The following DLG2 variants were observed in gnomAD, a reference collection of about 807,000 sequenced individuals.
DLG2 encodes disks large homolog 2.
DLG2 carries 45 observed loss-of-function variants against 132.5 expected under a neutral mutation model. The ratio of observed to expected loss-of-function variants is 0.34; its 90% CI spans 0.27 to 0.44. The LOEUF (loss-of-function observed/expected upper bound fraction) is 0.44. Among genes scored for constraint, DLG2 ranks in the 20% least tolerant of loss-of-function variants. The pLI, the probability that DLG2 is intolerant of heterozygous loss-of-function variation, is 1.00. For missense variants in DLG2, 1,045 were observed against 1,196.9 expected, an observed-to-expected ratio of 0.87 and a Z score of 1.87; for synonymous variants, 424 against 419.6, an observed-to-expected ratio of 1.01 and a Z score of -0.13.
chr11:85,578,678 G>A (rs1001417874), intron 3 of DLG2, among the ~76,000 whole-genome samples: 9 of 152,122 alleles, frequency 5.9e-5, no homozygotes, highest in African/African-American at 4.8e-5. Flanking sequence ...AAACTACAAT[G>A]AGATACCACC....
chr11:84,285,414 C>A (rs1240155347), intron 7 of DLG2, among the ~76,000 whole-genome samples: 1 of 152,120 alleles, frequency 6.6e-6, no homozygotes, highest in Admixed American at 6.6e-5. Context: ...CCCCACAGGC[C>A]CTCTTCCATT....
chr11:84,358,198 G>A (rs1013035843), intron 7 of DLG2, among the ~76,000 whole-genome samples: 2 of 151,872 alleles, frequency 1.3e-5, no homozygotes, highest in Non-Finnish European at 2.9e-5. Context: ...CATTTCTGCA[G>A]CTATGTCCTT....
At chr11:83,597,306 C>T (rs1051907766) in intron 19 of DLG2, among the ~76,000 whole-genome samples, 2 of 152,006 alleles carry the variant, frequency 1.3e-5, no homozygotes, top group Admixed American at 1.3e-4. Context: ...CTCCACTGTA[C>T]CCACACATGG....
At chr11:85,622,505 G>A (rs778024928) in intron 2 of DLG2, among the ~76,000 whole-genome samples, 2 of 151,706 alleles carry the variant, frequency 1.3e-5, no homozygotes, top group Non-Finnish European at 2.9e-5. Flanking sequence ...AAAAGCAAAT[G>A]TAAATTAGTA....
At chr11:84,592,277 T>C (rs2099545203) in intron 6 of DLG2, among the ~76,000 whole-genome samples, 1 of 152,158 alleles carries the variant, frequency 6.6e-6, no homozygotes. Flanking sequence ...AAGTATATGA[T>C]GTGGGCAATA....
chr11:84,361,665 T>C (rs997989027), intron 7 of DLG2, among the ~76,000 whole-genome samples: 3 of 151,988 alleles, frequency 2.0e-5, no homozygotes, highest in African/African-American at 7.2e-5. Context: ...TCCAGGTACT[T>C]ATATTTTTGT....
At chr11:85,168,478 T>G (rs916846206) in intron 4 of DLG2, among the ~76,000 whole-genome samples, 1 of 152,018 alleles carries the variant, frequency 6.6e-6, no homozygotes, top group East Asian at 1.9e-4. Context: ...TTGTTAGAAA[T>G]GAAATAGAAA....
At chr11:85,345,814 C>T (rs1466314227) in intron 3 of DLG2, among the ~76,000 whole-genome samples, 1 of 151,992 alleles carries the variant, frequency 6.6e-6, no homozygotes, top group Non-Finnish European at 1.5e-5. Flanking sequence ...CAGCTGCATG[C>T]CTTTGTGTTG....
chr11:84,063,740 T>C (rs2096627510), intron 10 of DLG2, among the ~76,000 whole-genome samples: 1 of 152,062 alleles, frequency 6.6e-6, no homozygotes, highest in South Asian at 2.1e-4. Flanking sequence ...TAGACTGGAT[T>C]AAGAAAATAT....
At chr11:83,590,909 T>C (rs2097176942) in intron 19 of DLG2, among the ~76,000 whole-genome samples, 1 of 150,872 alleles carries the variant, frequency 6.6e-6, no homozygotes, top group Non-Finnish European at 1.5e-5. Flanking sequence ...GATAAATTCC[T>C]CGACACATAC....
At chr11:85,508,010 T>C (rs1056434726) in intron 3 of DLG2, among the ~76,000 whole-genome samples, 2 of 152,136 alleles carry the variant, frequency 1.3e-5, no homozygotes, top group Admixed American at 1.3e-4. Context: ...CTACTGAAGC[T>C]TGTGCATGCA....
intron 6 of DLG2, among the ~76,000 whole-genome samples, chr11:84,990,070 G>C (rs1272513097): frequency 6.6e-6 from 1 of 152,122 alleles, no homozygotes; most frequent in African/African-American, 2.4e-5. Context: ...GAAGATGAAA[G>C]CTACAGGACA....
chr11:84,127,502 T>C (rs914867392), intron 9 of DLG2, among the ~76,000 whole-genome samples: 2 of 152,216 alleles, frequency 1.3e-5, no homozygotes, highest in South Asian at 2.1e-4. Context: ...CTATGAGAAA[T>C]GATCTGTTCC....
intron 6 of DLG2, among the ~76,000 whole-genome samples, chr11:85,090,030 GGCATAATATTCTATTAT>G (rs1233659197): frequency 1.3e-5 from 2 of 151,892 alleles, no homozygotes; most frequent in Non-Finnish European, 2.9e-5. Flanking sequence ...CCCTATTTTG[GGCATAATATTCTATTAT>G]GCATTATGGA....
intron 6 of DLG2, among the ~76,000 whole-genome samples, chr11:85,041,910 TA>T (rs1429455352): frequency 2.0e-5 from 3 of 151,816 alleles, no homozygotes; most frequent in African/African-American, 7.3e-5. Context: ...CAGAGTGGTA[TA>T]ATGAACATCG....
At chr11:84,847,559 G>C (rs2081632161) in intron 6 of DLG2, among the ~76,000 whole-genome samples, 3 of 152,106 alleles carry the variant, frequency 2.0e-5, no homozygotes, top group Admixed American at 2.0e-4. Context: ...GACTTGCTAG[G>C]TTGGAGAAGA....
chr11:84,331,569 G>A (rs183550139), intron 7 of DLG2, among the ~76,000 whole-genome samples: 2 of 150,970 alleles, frequency 1.3e-5, no homozygotes, highest in Admixed American at 1.3e-4. Context: ...GAGGTGGGTC[G>A]GCAGGGGAGG....
chr11:85,415,274 G>T (rs1259881373), intron 3 of DLG2, among the ~76,000 whole-genome samples: 1 of 152,180 alleles, frequency 6.6e-6, no homozygotes, highest in African/African-American at 2.4e-5. Context: ...GGGCATTTGG[G>T]TTGGTTCCAA....
intron 6 of DLG2, among the ~76,000 whole-genome samples, chr11:84,829,976 C>T (rs2078822749): frequency 6.6e-6 from 1 of 151,552 alleles, no homozygotes; most frequent in African/African-American, 2.4e-5. Context: ...ATCAATGCTT[C>T]ATTAGAAAAA....
Sources: allele counts gnomAD v4.1 joint callset (sites outside exome capture counted in the v4.1 genomes callset), GRCh38; gene constraint gnomAD v4.1.1; transcripts MANE v1.5; gene names NCBI Gene and HGNC (gene_info 2026-07-23, HGNC 2026-07-21).